The following KCNK9 variants were observed in gnomAD, a reference collection of about 807,000 sequenced individuals.
KCNK9 encodes the protein potassium channel subfamily K member 9.
A neutral mutation model predicts 10.8 loss-of-function variants in KCNK9; 1 was observed. The observed-to-expected ratio is 0.09, with a 90% CI of 0.03 to 0.44. The LOEUF is 0.44. Among genes scored for constraint, KCNK9 ranks in the 20% least tolerant of loss-of-function variants. The pLI is 0.97. For missense variants in KCNK9, 303 were observed against 515.0 expected, an observed-to-expected ratio of 0.59 and a Z score of 3.98; for synonymous variants, 231 against 222.7, an observed-to-expected ratio of 1.04 and a Z score of -0.33.
intron 1 of KCNK9, among the ~76,000 whole-genome samples, chr8:139,652,668 G>A (rs943962382): frequency 3.2e-4 from 48 of 152,308 alleles, no homozygotes; most frequent in African/African-American, 1.0e-3. Flanking sequence ...GGGGAAATAC[G>A]GACCTTAAAG....
At chr8:139,661,200 G>T (rs1816142051) in intron 1 of KCNK9, among the ~76,000 whole-genome samples, 1 of 152,232 alleles carries the variant, frequency 6.6e-6, no homozygotes, top group African/African-American at 2.4e-5. Context: ...ACATACTGAA[G>T]ACGCTGAGTT....
chr8:139,604,523 G>A (rs188393098), intron 2 of KCNK9, among the ~76,000 whole-genome samples: 45 of 152,270 alleles, frequency 3.0e-4, no homozygotes, highest in African/African-American at 1.0e-3. Flanking sequence ...ACGCAGATAG[G>A]AGCAAAGCTG....
intron 1 of KCNK9, among the ~76,000 whole-genome samples, chr8:139,687,365 T>G (rs1185959668): frequency 1.4e-5 from 2 of 145,808 alleles, no homozygotes; most frequent in African/African-American, 5.0e-5. Flanking sequence ...TATACATATA[T>G]ATGTGTATAC....
downstream of KCNK9, among the ~76,000 whole-genome samples, chr8:139,607,933 C>T (rs1814281603): frequency 1.3e-5 from 2 of 152,142 alleles, no homozygotes; most frequent in Non-Finnish European, 2.9e-5. Flanking sequence ...ACCAAGTGGT[C>T]CTATTACAAA....
At position 139,689,111 on chromosome 8, in the gene KCNK9, T is replaced by C. The variant is rs111578351; in HGVS notation, c.283+13599A>G. Among the ~76,000 whole-genome samples, 1,184 of 152,212 alleles carry C rather than the reference T, an allele frequency of 7.8e-3. 12 individuals carry two copies. The highest frequency in any genetic ancestry group is 0.027 in the African/African-American group (1,131 of 41,522). ...GCTGTATGAAGACCCAGGGAGATGA[T>C]CATCCACAAGCCAAAAAGAAAGGCT... On this transcript the variant is annotated intron_variant, in intron 1 of 1. Coordinates refer to ENST00000520439, the MANE Select transcript of KCNK9 (RefSeq NM_001282534.2).
At chr8:139,680,545 G>C (rs918414) in intron 1 of KCNK9, among the ~76,000 whole-genome samples, 82,782 of 151,966 alleles carry the variant, frequency 0.54, 22,849 homozygotes, top group Admixed American at 0.59. Flanking sequence ...GGAGGCTGAC[G>C]TGGCCTTCTG....
intron 1 of KCNK9, among the ~76,000 whole-genome samples, chr8:139,646,003 A>G (rs1301448972): frequency 6.6e-6 from 1 of 152,054 alleles, no homozygotes; most frequent in Non-Finnish European, 1.5e-5. Flanking sequence ...GCAAGCTCAG[A>G]CACTCCCTGG....
chr8:139,655,281 T>C (rs192476791), intron 1 of KCNK9, among the ~76,000 whole-genome samples: 274 of 152,258 alleles, frequency 1.8e-3, no homozygotes, highest in African/African-American at 6.4e-3. Context: ...CCTCACTCGG[T>C]GCCCAAGAGC....
chr8:139,655,041 G>A (rs1815981958), intron 1 of KCNK9, among the ~76,000 whole-genome samples: 2 of 152,148 alleles, frequency 1.3e-5, no homozygotes, highest in Non-Finnish European at 2.9e-5. Flanking sequence ...GCGGGCGCTG[G>A]GGCAGGTGGC....
chr8:139,637,123 A>T (rs763742444), intron 1 of KCNK9, among the ~76,000 whole-genome samples: 4 of 152,262 alleles, frequency 2.6e-5, no homozygotes, highest in Non-Finnish European at 5.9e-5. Context: ...GGCTGTGTGC[A>T]TGTACAAGGC....
intron 2 of KCNK9, among the ~76,000 whole-genome samples, chr8:139,603,319 G>A (rs1405779425): frequency 6.6e-6 from 1 of 152,188 alleles, no homozygotes; most frequent in Non-Finnish European, 1.5e-5. Flanking sequence ...GTGGCGGAGA[G>A]AGGGGAAGGC....
At chr8:139,699,036 C>T (rs757763609) in intron 1 of KCNK9, among the ~76,000 whole-genome samples, 1 of 152,160 alleles carries the variant, frequency 6.6e-6, no homozygotes, top group Non-Finnish European at 1.5e-5. Context: ...ACGGCTTCCG[C>T]TCCTGCAAAC....
In KCNK9 at chr8:139,693,855, T is replaced by C. The variant is rs533339836; in HGVS notation, c.283+8855A>G. On this transcript the variant is annotated intron_variant, in intron 1 of 1. Coordinates refer to ENST00000520439, the MANE Select transcript of KCNK9 (RefSeq NM_001282534.2). The surrounding 1 kb of genome is among the most constrained non-coding windows in gnomAD (Gnocchi z 4.1). Reference sequence around the variant, plus strand: ...GATGGCAGCCATGGGCTTTTAAAGGTCACTGCAGTGGTGGAGTGGAAGGTG... The same window carrying C: ...GATGGCAGCCATGGGCTTTTAAAGGCCACTGCAGTGGTGGAGTGGAAGGTG... Among the ~76,000 whole-genome samples, 9 of 152,140 alleles carry C rather than the reference T, an allele frequency of 5.9e-5. No homozygotes were observed. The South Asian group carries it at 1.9e-3, about 32-fold the overall frequency.
chr8:139,699,331 G>A (rs1817141333), intron 1 of KCNK9, among the ~76,000 whole-genome samples: 2 of 152,112 alleles, frequency 1.3e-5, no homozygotes, highest in African/African-American at 4.8e-5. Flanking sequence ...GCCCCAAGCA[G>A]GCCAAATCCA....
chr8:139,633,213 GATATGCTCACACACAC>G (rs1318289276), intron 1 of KCNK9, among the ~76,000 whole-genome samples: 1 of 152,100 alleles, frequency 6.6e-6, no homozygotes, highest in Admixed American at 6.5e-5. Flanking sequence ...CATACATACA[GATATGCTCACACACAC>G]ATCTGGCCTG....
intron 1 of KCNK9, among the ~76,000 whole-genome samples, chr8:139,672,423 A>T (rs1862224): frequency 0.25 from 37,402 of 152,144 alleles, 4,918 homozygotes; most frequent in African/African-American, 0.35. Context: ...TCTGGGTAAC[A>T]CCACATCTGA....
At chr8:139,633,476 C>T (rs541615358) in intron 1 of KCNK9, among the ~76,000 whole-genome samples, 9 of 152,260 alleles carry the variant, frequency 5.9e-5, no homozygotes, top group East Asian at 3.9e-4. Context: ...CAAGGACACA[C>T]GACTAATAGG....
intron 1 of KCNK9, among the ~76,000 whole-genome samples, chr8:139,641,693 C>T (rs1803684319): frequency 6.6e-6 from 1 of 152,264 alleles, no homozygotes; most frequent in Admixed American, 6.5e-5. Flanking sequence ...CACCTCTTCA[C>T]TGACTGCGCT....
At chr8:139,640,835 G>A (rs926108434) in intron 1 of KCNK9, among the ~76,000 whole-genome samples, 3 of 152,194 alleles carry the variant, frequency 2.0e-5, no homozygotes, top group African/African-American at 2.4e-5. Context: ...TTCATGCCAC[G>A]TTCTGCGGTT....
Sources: gnomAD v4.1 joint callset for allele counts (sites outside exome capture counted in the v4.1 genomes callset) on GRCh38, gnomAD v4.1.1 for gene constraint, Gnocchi (gnomAD v3.1) non-coding constraint, MANE v1.5 for transcripts, NCBI Gene and HGNC (gene_info 2026-07-23, HGNC 2026-07-21) for gene names.